The following CCNY variants were observed in gnomAD, a reference collection of about 807,000 sequenced individuals.
CCNY encodes cyclin-Y.
CCNY carries 19 observed loss-of-function variants against 42.8 expected under a neutral mutation model. The observed-to-expected ratio is 0.44, with a 90% CI of 0.31 to 0.65. The LOEUF (loss-of-function observed/expected upper bound fraction) is 0.65, where lower values mean the gene tolerates loss of function less well. Among genes scored for constraint, CCNY ranks in the 30% least tolerant of loss-of-function variants. The pLI is 0.07. For missense variants in CCNY, 370 were observed against 437.3 expected (o/e 0.85, Z 1.37); for synonymous variants, 165 against 162.7 (o/e 1.01, Z -0.11).
intron 3 of CCNY, among the ~76,000 whole-genome samples, chr10:35,286,513 C>T (rs374203624): frequency 9.9e-5 from 15 of 152,138 alleles, no homozygotes; most frequent in Middle Eastern, 3.4e-3. Flanking sequence ...CACCCTCCAC[C>T]GTGCCCAGCT....
At chr10:35,349,490 T>G (rs533349178) in intron 1 of CCNY, among the ~76,000 whole-genome samples, 1 of 152,214 alleles carries the variant, frequency 6.6e-6, no homozygotes, top group Non-Finnish European at 1.5e-5. Context: ...AGAAGGACAG[T>G]GTGCAAGTTG....
At chr10:35,310,801 C>CT (rs2135085050) in intron 3 of CCNY, among the ~76,000 whole-genome samples, 1 of 152,218 alleles carries the variant, frequency 6.6e-6, no homozygotes, top group South Asian at 2.1e-4. Flanking sequence ...CTATGATTAG[C>CT]TAACATCTTA....
At chr10:35,290,280 C>T (rs889710974) in intron 3 of CCNY, among the ~76,000 whole-genome samples, 6 of 136,876 alleles carry the variant, frequency 4.4e-5, no homozygotes, top group Admixed American at 2.2e-4. Context: ...AGCTGGGCAT[C>T]GCGGTATGCG....
chr10:35,562,805 C>A (rs1841492290), intron 8 of CCNY, among the ~76,000 whole-genome samples: 3 of 152,066 alleles, frequency 2.0e-5, no homozygotes, highest in Admixed American at 2.0e-4. Flanking sequence ...GACTTTGTTT[C>A]TCCTTCTTTT....
At position 35,516,661 on chromosome 10, in the gene CCNY, CTTTTTTT is replaced by C. The variant is rs35268084; in HGVS notation, c.365+59_365+65del. 3,536 of 327,266 alleles carry C rather than the reference CTTTTTTT, an allele frequency of 0.011. 102 individuals carry two copies. The African/African-American group carries it at 0.14, about 13-fold the overall frequency. 20.3% of individuals were successfully genotyped at this position (327,266 alleles called of 1,614,324 possible). A position where few individuals can be genotyped will look rare whatever the true frequency, so the allele number is the denominator to read the frequency against. On this transcript the variant is annotated intron_variant, in intron 4 of 9. Transcript: ENST00000374704. ...ATTTATTTCCTTCCTTCCTTCCTTC[CTTTTTTT>C]TTTTTTTTTTTTTTTTTTTTACTTA...
intron 1 of CCNY, among the ~76,000 whole-genome samples, chr10:35,407,564 C>T (rs567952343): frequency 1.4e-4 from 21 of 152,186 alleles, no homozygotes; most frequent in Admixed American, 5.2e-4. Flanking sequence ...ATGGAAAAAT[C>T]GAAAGTGCCG....
chr10:35,364,825 C>T (rs1836774388), intron 1 of CCNY, among the ~76,000 whole-genome samples: 1 of 152,126 alleles, frequency 6.6e-6, no homozygotes, highest in Non-Finnish European at 1.5e-5. Context: ...AAAGTCTTCA[C>T]CAAAGCAAAG....
intron 1 of CCNY, among the ~76,000 whole-genome samples, chr10:35,350,331 C>T (rs1233920317): frequency 6.6e-6 from 1 of 151,858 alleles, no homozygotes; most frequent in Non-Finnish European, 1.5e-5. Flanking sequence ...AGTTTTGTTT[C>T]TTATTCATTT....
chr10:35,339,495 G>C (rs1564373776), intron 1 of CCNY, among the ~76,000 whole-genome samples: 1 of 152,156 alleles, frequency 6.6e-6, no homozygotes, highest in African/African-American at 2.4e-5. Context: ...TTTGAACTGA[G>C]TTATATTGAT....
intron 1 of CCNY, among the ~76,000 whole-genome samples, chr10:35,477,877 A>G (rs1300022741): frequency 1.3e-5 from 2 of 149,586 alleles, no homozygotes. Context: ...ATGATTGTAT[A>G]TCTAGAAAAC....
At chr10:35,377,599 A>G (rs1229376709) in intron 1 of CCNY, among the ~76,000 whole-genome samples, 1 of 152,228 alleles carries the variant, frequency 6.6e-6, no homozygotes, top group Non-Finnish European at 1.5e-5. Flanking sequence ...TTAAGGAAGC[A>G]TGACTGTACC....
intron 1 of CCNY, among the ~76,000 whole-genome samples, chr10:35,470,745 T>G (rs1302030165): frequency 1.3e-5 from 2 of 152,318 alleles, no homozygotes; most frequent in Non-Finnish European, 1.5e-5. Context: ...CAGGCTTCCC[T>G]GGTGACAGCC....
intron 1 of CCNY, among the ~76,000 whole-genome samples, chr10:35,393,374 A>T (rs1213815586): frequency 6.6e-6 from 1 of 152,182 alleles, no homozygotes; most frequent in Non-Finnish European, 1.5e-5. Flanking sequence ...TGACTCAGAA[A>T]TCGTGGCCTG....
chr10:35,298,070 A>G (rs1294011470), intron 3 of CCNY, among the ~76,000 whole-genome samples: 1 of 152,188 alleles, frequency 6.6e-6, no homozygotes. Context: ...AGCTGGAGGC[A>G]TCATATTACT....
intron 1 of CCNY, among the ~76,000 whole-genome samples, chr10:35,369,035 A>G (rs995719197): frequency 1.3e-5 from 2 of 152,206 alleles, no homozygotes; most frequent in African/African-American, 2.4e-5. Flanking sequence ...ACTCTGAGGA[A>G]CTTCCTGGTG....
At chr10:35,406,733 T>C (rs1241093738) in intron 1 of CCNY, among the ~76,000 whole-genome samples, 2 of 152,132 alleles carry the variant, frequency 1.3e-5, no homozygotes, top group African/African-American at 2.4e-5. Flanking sequence ...CTGTTCTCAA[T>C]GAGCTGTTGG....
intron 3 of CCNY, among the ~76,000 whole-genome samples, chr10:35,304,890 G>C (rs370980104): frequency 2.6e-5 from 4 of 152,232 alleles, no homozygotes; most frequent in African/African-American, 7.2e-5. Context: ...ATCAGAGGAA[G>C]AAGAGCCAAA....
chr10:35,508,985 T>C (rs1319726588), intron 3 of CCNY, among the ~76,000 whole-genome samples: 1 of 152,212 alleles, frequency 6.6e-6, no homozygotes, highest in Non-Finnish European at 1.5e-5. Flanking sequence ...TGTAATCATA[T>C]AATACATGGC....
intron 3 of CCNY, among the ~76,000 whole-genome samples, chr10:35,281,402 T>C (rs1168141092): frequency 6.6e-6 from 1 of 151,982 alleles, no homozygotes; most frequent in East Asian, 1.9e-4. Context: ...TGGGTTCAAG[T>C]GATTCTCTTG....
Sources: gnomAD v4.1 joint callset for allele counts (sites outside exome capture counted in the v4.1 genomes callset) on GRCh38, gnomAD v4.1.1 for gene constraint, MANE v1.5 for transcripts, NCBI Gene and HGNC (gene_info 2026-07-23, HGNC 2026-07-21) for gene names.